FCER1A: variants seen among roughly 807,000 people sequenced by gnomAD.
The protein encoded by FCER1A is high affinity immunoglobulin epsilon receptor subunit alpha.
Under a neutral mutation model 23.6 loss-of-function variants are expected in FCER1A, and 24 were observed. The observed-to-expected ratio is 1.02, with a 90% CI of 0.74 to 1.43. The LOEUF is 1.43. Ranked by LOEUF, FCER1A falls within the 40% of genes most tolerant of loss-of-function variation. FCER1A has a pLI of 0.00. For missense variants in FCER1A, 318 were observed against 294.5 expected (o/e 1.08, Z -0.58); for synonymous variants, 121 against 108.8 (o/e 1.11, Z -0.70).
At chr1:159,304,294 C>A in intron 3 of FCER1A, 112 bp downstream of exon 3, 1 of 1,068,412 alleles carries the variant, frequency 9.4e-7, no homozygotes, top group South Asian at 1.6e-5. Context: ...GGATTCAAGG[C>A]CTCTCATTTT....
At chr1:159,306,935 C>A (rs1169209822) in intron 4 of FCER1A, among the ~76,000 whole-genome samples, 1 of 152,146 alleles carries the variant, frequency 6.6e-6, no homozygotes, top group Non-Finnish European at 1.5e-5. Context: ...TAATTAAGTC[C>A]TAGCAGTTCT....
rs1652458330 is a variant in FCER1A at position 159,302,394 on chromosome 1, A to G, written c.30A>G (p.Leu10=). ...CTCCTGCCATGGAATCCCCTACTCT[A>G]CTGTGTGTAGCCTTACTGTTCTTCG... MAPAMESPT[L]LCVALLFFAP... The change falls in exon 1 of 5, where the codon CTA becomes CTG. Residue 10 remains leucine, a synonymous_variant. Coordinates refer to ENST00000693622, the MANE Select transcript of FCER1A (RefSeq NM_001387280.1). The G allele has an allele frequency of 6.2e-7, 1 of 1,611,090 alleles. No homozygotes were observed. Among genetic ancestry groups the G allele is most frequent in the Non-Finnish European group, 8.5e-7 (1 of 1,177,266 alleles).
chr1:159,307,671 G>A (rs1652655037), intron 4 of FCER1A, 77 bp from the exon 5 acceptor site: 1 of 1,072,436 alleles, frequency 9.3e-7, no homozygotes, highest in Non-Finnish European at 1.4e-6. Flanking sequence ...TTCTCTTAGG[G>A]AGGATGAAAC....
Position 159,304,058 on chromosome 1 carries a change from C to G in FCER1A, c.207C>G (p.Ser69Arg). 1.2e-6 allele frequency: 2 copies of G among 1,614,098 alleles called. No individual in the cohort carries two copies. Among genetic ancestry groups the G allele is most frequent in the South Asian group, 1.1e-5 (1 of 91,076 alleles). The part of the protein sequence containing the change: ...VSSTKWFHNG[S>R]LSEETNSSLN... ...CCACCAAATGGTTCCACAATGGCAG[C>G]CTTTCAGAAGAGACAAATTCAAGTT... The change falls in exon 3 of 5, where the codon AGC (serine) becomes AGG (arginine). Residue 69 changes from serine to arginine, a missense_variant. Physicochemically the swap from Ser to Arg is moderately radical, Grantham distance 110. Coordinates refer to ENST00000693622, the MANE Select transcript of FCER1A (RefSeq NM_001387280.1).
chr1:159,302,297 G>C, upstream of FCER1A: 1 of 1,051,876 alleles, frequency 9.5e-7, no homozygotes, highest in South Asian at 1.3e-5. Flanking sequence ...TCTGCTTTTT[G>C]GTTTTAAGCC....
chr1:159,300,376 C>T (rs1022813569), upstream of FCER1A, among the ~76,000 whole-genome samples: 1 of 152,088 alleles, frequency 6.6e-6, no homozygotes, highest in Non-Finnish European at 1.5e-5. Flanking sequence ...CCCAAATTTC[C>T]CCTGGCAAAG....
At chr1:159,288,084 G>A (rs1652060847), upstream of FCER1A, among the ~76,000 whole-genome samples, 1 of 152,088 alleles carries the variant, frequency 6.6e-6, no homozygotes, top group Non-Finnish European at 1.5e-5. Context: ...GAGTAATATG[G>A]GAGCAATAAG....
chr1:159,299,254 A>G (rs532489761), upstream of FCER1A, among the ~76,000 whole-genome samples: 1 of 152,326 alleles, frequency 6.6e-6, no homozygotes, highest in East Asian at 1.9e-4. Flanking sequence ...TCATCGTTTC[A>G]TATTCAATTT....
chr1:159,297,604 G>A (rs1433937996), upstream of FCER1A, among the ~76,000 whole-genome samples: 2 of 152,186 alleles, frequency 1.3e-5, no homozygotes, highest in Non-Finnish European at 2.9e-5. Context: ...AAGAGTTTGA[G>A]TGGTCACAGC....
upstream of FCER1A, among the ~76,000 whole-genome samples, chr1:159,301,740 G>A (rs925930301): frequency 3.3e-5 from 5 of 152,302 alleles, no homozygotes; most frequent in Admixed American, 3.3e-4. Context: ...TGCTAGCCAT[G>A]CTCCTGAATA....
In FCER1A at chr1:159,305,491, G is replaced by A. The variant is rs546921089; in HGVS notation, c.332-497G>A. On this transcript the variant is annotated intron_variant, in intron 3 of 4. Transcript: ENST00000693622. ...CTTCTTGGAGCACAGAGCAGTATGGGAAGAGGACATTAAATAAAGAATTAC... is the reference window on the plus strand; with the variant it reads ...CTTCTTGGAGCACAGAGCAGTATGGAAAGAGGACATTAAATAAAGAATTAC... Among the ~76,000 whole-genome samples, 5 of 152,190 alleles carry A rather than the reference G, an allele frequency of 3.3e-5. 1 individual carries two copies. In the South Asian group the frequency reaches 1.0e-3, roughly 32 times the overall value.
upstream of FCER1A, among the ~76,000 whole-genome samples, chr1:159,297,505 C>G (rs1182743367): frequency 2.0e-5 from 3 of 152,172 alleles, no homozygotes; most frequent in Non-Finnish European, 2.9e-5. Flanking sequence ...CTAACCACCT[C>G]ACCACATTAA....
At chr1:159,290,381 G>A (rs939778306) in intron 1 of FCER1A, among the ~76,000 whole-genome samples, 2 of 152,126 alleles carry the variant, frequency 1.3e-5, no homozygotes, top group Non-Finnish European at 2.9e-5. Flanking sequence ...GCCTTTTCCT[G>A]CAAACCCTAG....
At chr1:159,306,380 G>C (rs1008357497) in intron 4 of FCER1A, 135 bp downstream of exon 4, 1 of 728,748 alleles carries the variant, frequency 1.4e-6, no homozygotes, top group Non-Finnish European at 2.2e-6. Context: ...GCAATGAGGA[G>C]ACCTGGGTGA....
upstream of FCER1A, among the ~76,000 whole-genome samples, chr1:159,286,633 A>C (rs1652028097): frequency 6.6e-6 from 1 of 152,198 alleles, no homozygotes; most frequent in African/African-American, 2.4e-5. Context: ...TGCCCGGCCT[A>C]AATCATTTAA....
At chr1:159,304,324 G>A (rs1441831995) in intron 3 of FCER1A, 142 bp downstream of exon 3, 4 of 778,086 alleles carry the variant, frequency 5.1e-6, no homozygotes, top group Non-Finnish European at 8.2e-6. Context: ...TGCATTGGCT[G>A]GGCACAGTGG....
At chr1:159,292,551 T>C (rs572790874) in intron 1 of FCER1A, among the ~76,000 whole-genome samples, 4 of 152,128 alleles carry the variant, frequency 2.6e-5, no homozygotes, top group Non-Finnish European at 5.9e-5. Flanking sequence ...TCTATCATCA[T>C]ATTTTGACTC....
chr1:159,303,529 CTCAT>C (rs1652500545), intron 2 of FCER1A, among the ~76,000 whole-genome samples: 1 of 152,180 alleles, frequency 6.6e-6, no homozygotes, highest in Non-Finnish European at 1.5e-5. Flanking sequence ...CCATAATTCA[CTCAT>C]TCATTCACAT....
intron 1 of FCER1A, among the ~76,000 whole-genome samples, chr1:159,291,911 C>T (rs1365745221): frequency 6.6e-6 from 1 of 152,124 alleles, no homozygotes; most frequent in Non-Finnish European, 1.5e-5. Context: ...ATTGTATTCT[C>T]TATTTTACTT....
Sources: gnomAD v4.1 joint callset for allele counts (sites outside exome capture counted in the v4.1 genomes callset) on GRCh38, gnomAD v4.1.1 for gene constraint, MANE v1.5 for transcripts, NCBI Gene and HGNC (gene_info 2026-07-23, HGNC 2026-07-21) for gene names.